Variants in CSMD1 observed in about 807,000 individuals in gnomAD.
CSMD1 encodes the protein CUB and sushi domain-containing protein 1.
In CSMD1, 213 loss-of-function variants were observed where a neutral mutation model predicts 417.5. That is an observed-to-expected ratio of 0.51 (90% CI 0.46 to 0.57). The LOEUF (loss-of-function observed/expected upper bound fraction) is 0.57. Ranked by LOEUF, CSMD1 falls within the 20% of genes least tolerant of loss-of-function variation. The pLI, the probability that CSMD1 is intolerant of heterozygous loss-of-function variation, is 0.00. For missense variants in CSMD1, 6,923 were observed against 4,529.7 expected (o/e 1.53, Z -15.17); for synonymous variants, 2,862 against 1,736.8 (o/e 1.65, Z -16.11).
chr8:4,285,049 A>G (rs1466368729), intron 3 of CSMD1, among the ~76,000 whole-genome samples: 1 of 152,218 alleles, frequency 6.6e-6, no homozygotes, highest in Non-Finnish European at 1.5e-5. Flanking sequence ...TGTTGTAAGC[A>G]TAACACAATA....
At chr8:3,480,277 G>T (rs1817664326) in intron 11 of CSMD1, among the ~76,000 whole-genome samples, 2 of 152,162 alleles carry the variant, frequency 1.3e-5, no homozygotes, top group African/African-American at 4.8e-5. Context: ...CAGAAGAATT[G>T]CTTGAACCCA....
chr8:3,401,867 T>C (rs75590572), intron 15 of CSMD1, among the ~76,000 whole-genome samples: 3,779 of 151,914 alleles, frequency 0.025, 126 homozygotes, highest in South Asian at 0.13. Flanking sequence ...ATGAACATCA[T>C]CAATCATGTT....
chr8:4,247,971 G>C (rs983189504), intron 3 of CSMD1, among the ~76,000 whole-genome samples: 3 of 152,024 alleles, frequency 2.0e-5, no homozygotes, highest in African/African-American at 4.8e-5. Context: ...TTTGGAAATT[G>C]CTTCAACCAA....
chr8:4,864,189 A>G (rs1334376190), intron 1 of CSMD1, among the ~76,000 whole-genome samples: 1 of 151,976 alleles, frequency 6.6e-6, no homozygotes, highest in Non-Finnish European at 1.5e-5. Context: ...ATAATGAAGT[A>G]CAACCAAAAC....
At chr8:4,036,281 G>GC (rs1563346546) in intron 3 of CSMD1, among the ~76,000 whole-genome samples, 10 of 152,236 alleles carry the variant, frequency 6.6e-5, no homozygotes, top group Non-Finnish European at 1.3e-4. Flanking sequence ...TCAAGATGCT[G>GC]TTGTTATGGT....
At chr8:4,063,022 A>G (rs1440250604) in intron 3 of CSMD1, among the ~76,000 whole-genome samples, 1 of 152,214 alleles carries the variant, frequency 6.6e-6, no homozygotes. Context: ...TGTTAGTTAC[A>G]TAATTTAGGA....
At chr8:4,823,367 GTATGAC>G (rs1031252107) in intron 1 of CSMD1, among the ~76,000 whole-genome samples, 1 of 151,796 alleles carries the variant, frequency 6.6e-6, no homozygotes, top group African/African-American at 2.4e-5. Context: ...CACTCTACAA[GTATGAC>G]TTTGAAAAAA....
chr8:2,939,770 GC>G (rs1469691310), intron 69 of CSMD1, among the ~76,000 whole-genome samples: 1 of 152,262 alleles, frequency 6.6e-6, no homozygotes, highest in Admixed American at 6.5e-5. Context: ...CTTTGTGACT[GC>G]CCTTGGAGTG....
intron 12 of CSMD1, 96 bp from the exon 13 acceptor site, chr8:3,409,701 C>T (rs1812563343): frequency 2.2e-6 from 2 of 894,912 alleles, no homozygotes; most frequent in Middle Eastern, 3.4e-4. Flanking sequence ...CTTCTTTTTG[C>T]TGAACTAAAC....
In CSMD1 at chr8:3,391,207, C is replaced by G. The variant is rs563172094; in HGVS notation, c.2594-3525G>C. 3.9e-5 allele frequency among the ~76,000 whole-genome samples: 6 copies of G among 152,226 alleles called. No homozygotes were observed. The South Asian group carries it at 1.2e-3, about 32-fold the overall frequency. ...GGTGTGGTGTGCACGCACATATAAA[C>G]CACTAAATATACTCCTTTATCACAA... On this transcript the variant is annotated intron_variant, in intron 17 of 69. Coordinates refer to ENST00000635120, the MANE Select transcript of CSMD1 (RefSeq NM_033225.6).
chr8:3,783,781 A>G (rs1167645358), intron 5 of CSMD1, among the ~76,000 whole-genome samples: 1 of 152,212 alleles, frequency 6.6e-6, no homozygotes, highest in Non-Finnish European at 1.5e-5. Context: ...AGAAAGTCGC[A>G]TAGGAGACAC....
At chr8:2,997,500 G>A (rs183441167) in intron 54 of CSMD1, among the ~76,000 whole-genome samples, 1 of 152,208 alleles carries the variant, frequency 6.6e-6, no homozygotes, top group East Asian at 1.9e-4. Context: ...ATGTTGTAAT[G>A]GAAAGTAATT....
At chr8:3,071,762 G>A (rs1040085871) in intron 49 of CSMD1, among the ~76,000 whole-genome samples, 1 of 152,154 alleles carries the variant, frequency 6.6e-6, no homozygotes, top group African/African-American at 2.4e-5. Context: ...CCTAAATGCA[G>A]ACAGTCCATC....
chr8:3,596,773 C>T (rs540064156), intron 8 of CSMD1, among the ~76,000 whole-genome samples: 1 of 150,152 alleles, frequency 6.7e-6, no homozygotes, highest in Non-Finnish European at 1.5e-5. Flanking sequence ...TCAGGGCACA[C>T]ACAAACACAC....
chr8:4,274,092 A>G (rs900902521), intron 3 of CSMD1, among the ~76,000 whole-genome samples: 3 of 152,200 alleles, frequency 2.0e-5, no homozygotes, highest in African/African-American at 4.8e-5. Context: ...CTCATTTACT[A>G]TATGGAACAT....
chr8:3,006,122 C>A (rs1807874155), intron 52 of CSMD1, among the ~76,000 whole-genome samples: 1 of 151,026 alleles, frequency 6.6e-6, no homozygotes, highest in Admixed American at 6.6e-5. Context: ...TTCTTATACA[C>A]CAACAACAGA....
intron 5 of CSMD1, among the ~76,000 whole-genome samples, chr8:3,758,871 GA>G (rs1203542665): frequency 1.3e-5 from 2 of 152,130 alleles, no homozygotes; most frequent in East Asian, 3.9e-4. Context: ...CCAATGTAAT[GA>G]AAAAGATCCT....
Position 4,396,580 on chromosome 8 carries a change from T to C in CSMD1, c.415+23373A>G, listed in dbSNP as rs570156191. ...AATTCGCAACTGCAACCAGCCTAAA[T>C]GCCCATCAAGCAATGAGTGCATAAG... On this transcript the variant is annotated intron_variant, in intron 3 of 69. Transcript: ENST00000635120. Among the ~76,000 whole-genome samples the C allele has an allele frequency of 6.4e-4, 97 of 151,970 alleles. 1 individual carries two copies. Among genetic ancestry groups the C allele is most frequent in the African/African-American group, 2.1e-3 (88 of 41,432 alleles).
chr8:4,921,736 G>A (rs1585333338), intron 1 of CSMD1, among the ~76,000 whole-genome samples: 2 of 152,184 alleles, frequency 1.3e-5, no homozygotes, highest in African/African-American at 4.8e-5. Flanking sequence ...GACAAAATGT[G>A]TTCCTTGTTG....
Sources: gnomAD v4.1 joint callset for allele counts (sites outside exome capture counted in the v4.1 genomes callset) on GRCh38, gnomAD v4.1.1 for gene constraint, MANE v1.5 for transcripts, NCBI Gene and HGNC (gene_info 2026-07-23, HGNC 2026-07-21) for gene names.